Variants in GAB2 observed in about 807,000 individuals in gnomAD.
The protein encoded by GAB2 is GRB2-associated-binding protein 2.
A neutral mutation model predicts 65.5 loss-of-function variants in GAB2; 26 were observed. That is an observed-to-expected ratio of 0.40 (90% CI 0.29 to 0.55). GAB2 has a LOEUF of 0.55. Among genes scored for constraint, GAB2 ranks in the 20% least tolerant of loss-of-function variants. GAB2 has a pLI of 0.53. For synonymous variants in GAB2, 321 were observed against 329.6 expected (o/e 0.97, Z 0.28); for missense variants, 884 against 875.8 (o/e 1.01, Z -0.12).
intron 1 of GAB2, among the ~76,000 whole-genome samples, chr11:78,309,401 C>T (rs1855439586): frequency 1.3e-5 from 2 of 152,004 alleles, no homozygotes; most frequent in South Asian, 4.2e-4. Context: ...GTCCCTGTCC[C>T]CCTCCCCAGC....
chr11:78,355,680 TAAAAAAAAAAAA>T (rs67850407), intron 1 of GAB2, among the ~76,000 whole-genome samples: 1 of 79,142 alleles, frequency 1.3e-5, no homozygotes. Flanking sequence ...CTGTCTCACT[TAAAAAAAAAAAA>T]AAAAAAAAAA....
At chr11:78,340,511 A>G (rs973104582) in intron 1 of GAB2, among the ~76,000 whole-genome samples, 10 of 152,098 alleles carry the variant, frequency 6.6e-5, no homozygotes, top group African/African-American at 2.4e-4. Context: ...TCACTTTGAA[A>G]TCTTTCTTCA....
intron 1 of GAB2, among the ~76,000 whole-genome samples, chr11:78,281,748 G>A (rs1217185419): frequency 1.3e-5 from 2 of 152,182 alleles, no homozygotes; most frequent in African/African-American, 4.8e-5. Context: ...CATTCCCACT[G>A]TCTAGATCAG....
At chr11:78,257,535 T>G (rs148036235) in intron 2 of GAB2, among the ~76,000 whole-genome samples, 1 of 152,234 alleles carries the variant, frequency 6.6e-6, no homozygotes, top group East Asian at 1.9e-4. Flanking sequence ...TTTTATATCA[T>G]GCATTTAGCC....
At chr11:78,280,464 C>T in intron 2 of GAB2, 137 bp downstream of exon 2, 5 of 743,122 alleles carry the variant, frequency 6.7e-6, no homozygotes, top group Middle Eastern at 8.0e-4. Context: ...TTTGGCCAAC[C>T]CCTTCACACT....
chr11:78,256,626 C>T (rs568012588), intron 2 of GAB2, among the ~76,000 whole-genome samples: 2 of 152,112 alleles, frequency 1.3e-5, no homozygotes, highest in South Asian at 2.1e-4. Context: ...CATGTGTGGT[C>T]GCTGAGCTTT....
chr11:78,349,704 G>A (rs10793303), intron 1 of GAB2, among the ~76,000 whole-genome samples: 24,053 of 151,984 alleles, frequency 0.16, 2,557 homozygotes, highest in East Asian at 0.41. Flanking sequence ...TTTTAAGTCG[G>A]TGAGTTTTAG....
intron 1 of GAB2, among the ~76,000 whole-genome samples, chr11:78,334,216 C>T (rs1051875159): frequency 6.6e-6 from 1 of 151,916 alleles, no homozygotes; most frequent in African/African-American, 2.4e-5. Flanking sequence ...AATAAGGTAC[C>T]CATCCCCTTG....
chr11:78,256,095 C>T (rs932714159), intron 2 of GAB2, among the ~76,000 whole-genome samples: 1 of 152,152 alleles, frequency 6.6e-6, no homozygotes, highest in Non-Finnish European at 1.5e-5. Context: ...AAAACACAAA[C>T]ACCAAAAACT....
At position 78,375,506 on chromosome 11, in the gene GAB2, T is replaced by C. The variant is rs149076169; in HGVS notation, c.75+42140A>G. ...AAGGCATTTATTGGTACAGCAAATA[T>C]ATGGTAAAATTAGAGACAGATACAT... On this transcript the variant is annotated intron_variant, in intron 1 of 9. Coordinates refer to ENST00000361507, the MANE Select transcript of GAB2 (RefSeq NM_080491.3). Among the ~76,000 whole-genome samples, 533 of 152,248 alleles carry C rather than the reference T, an allele frequency of 3.5e-3. 5 individuals carry two copies. Among genetic ancestry groups the C allele is most frequent in the Non-Finnish European group, 3.0e-3 (206 of 68,012 alleles).
At chr11:78,266,342 C>T (rs1865875674) in intron 2 of GAB2, among the ~76,000 whole-genome samples, 1 of 152,072 alleles carries the variant, frequency 6.6e-6, no homozygotes, top group African/African-American at 2.4e-5. Flanking sequence ...TCTCCTCCCC[C>T]AATCCCAATC....
intron 2 of GAB2, 55 bp from the exon 3 acceptor site, chr11:78,250,455 C>T: frequency 6.6e-7 from 1 of 1,509,404 alleles, no homozygotes; most frequent in Non-Finnish European, 9.2e-7. Flanking sequence ...TATCCTTATC[C>T]CAAAGTGAGT....
At chr11:78,388,859 A>G (rs950394213) in intron 1 of GAB2, among the ~76,000 whole-genome samples, 1 of 152,230 alleles carries the variant, frequency 6.6e-6, no homozygotes, top group African/African-American at 2.4e-5. Context: ...AAAGAAAGTT[A>G]ACCCTTACCT....
rs948901382 is a variant in GAB2, at chr11:78,310,287, G to C, written c.76-29386C>G. Among the ~76,000 whole-genome samples, 3 of 151,412 alleles carry C rather than the reference G, an allele frequency of 2.0e-5. No homozygotes were observed. The East Asian group carries it at 5.8e-4, about 29-fold the overall frequency. On this transcript the variant is annotated intron_variant, in intron 1 of 9. Transcript: ENST00000361507. ...GGAGGCCAAGGCGGTTGGATAACGA[G>C]GTCAGGAGATCAAGACCATCCTGGC...
intron 3 of GAB2, among the ~76,000 whole-genome samples, chr11:78,233,684 GC>G (rs1864909679): frequency 6.6e-6 from 1 of 152,138 alleles, no homozygotes; most frequent in Admixed American, 6.5e-5. Context: ...TTGGCTCACT[GC>G]AACCTCCACC....
intron 2 of GAB2, among the ~76,000 whole-genome samples, chr11:78,267,292 T>C (rs1168651985): frequency 2.0e-5 from 3 of 152,126 alleles, no homozygotes; most frequent in Admixed American, 1.3e-4. Flanking sequence ...CTGGACTTAA[T>C]GGTAGAGTTC....
intron 2 of GAB2, among the ~76,000 whole-genome samples, chr11:78,270,003 AG>A (rs1350905399): frequency 6.6e-6 from 1 of 152,224 alleles, no homozygotes; most frequent in Non-Finnish European, 1.5e-5. Flanking sequence ...AGTAGCTTGT[AG>A]GTTCCTCTAA....
At chr11:78,323,716 C>G (rs1855768543) in intron 1 of GAB2, among the ~76,000 whole-genome samples, 1 of 148,966 alleles carries the variant, frequency 6.7e-6, no homozygotes, top group Non-Finnish European at 1.5e-5. Context: ...GTGACAGGAT[C>G]AATAGAAGCC....
chr11:78,232,105 A>G (rs933584095), intron 3 of GAB2, among the ~76,000 whole-genome samples: 2 of 152,230 alleles, frequency 1.3e-5, no homozygotes, highest in African/African-American at 2.4e-5. Flanking sequence ...ATGTGAAACT[A>G]AAAGTTGTAT....
Sources: gnomAD v4.1 joint callset for allele counts (sites outside exome capture counted in the v4.1 genomes callset) on GRCh38, gnomAD v4.1.1 for gene constraint, MANE v1.5 for transcripts, NCBI Gene and HGNC (gene_info 2026-07-23, HGNC 2026-07-21) for gene names.